The following NCK2 variants were observed in gnomAD, a reference collection of about 807,000 sequenced individuals.
NCK2 encodes the protein NCK adaptor protein 2, also known as cytoplasmic protein NCK2.
Under a neutral mutation model 33.9 loss-of-function variants are expected in NCK2, and 16 were observed. That is an observed-to-expected ratio of 0.47 (90% CI 0.32 to 0.72). NCK2 has a LOEUF of 0.72. Ranked by LOEUF, NCK2 falls within the 30% of genes least tolerant of loss-of-function variation. NCK2 has a pLI of 0.03. For missense variants in NCK2, 418 were observed against 537.3 expected (o/e 0.78, Z 2.19); for synonymous variants, 273 against 239.9 (o/e 1.14, Z -1.27).
chr2:105,851,129 C>G (rs1476432070), intron 2 of NCK2, among the ~76,000 whole-genome samples: 2 of 152,192 alleles, frequency 1.3e-5, no homozygotes, highest in Non-Finnish European at 1.5e-5. Flanking sequence ...AGCAGCCCAG[C>G]CCGGCTGTGT....
At chr2:105,873,081 T>C (rs2553069) in intron 3 of NCK2, among the ~76,000 whole-genome samples, 142,222 of 152,332 alleles carry the variant, frequency 0.93, 66,482 homozygotes, top group East Asian at 0.98. Context: ...TTCCATGATC[T>C]TTGGCCAGCA....
At chr2:105,798,003 A>G (rs192835263) in intron 1 of NCK2, among the ~76,000 whole-genome samples, 1 of 152,184 alleles carries the variant, frequency 6.6e-6, no homozygotes, top group Non-Finnish European at 1.5e-5. Flanking sequence ...TTCATTTCCT[A>G]GGAGAAGAAA....
chr2:105,886,016 GC>G (rs1338038118), intron 4 of NCK2, among the ~76,000 whole-genome samples: 1 of 152,184 alleles, frequency 6.6e-6, no homozygotes, highest in Non-Finnish European at 1.5e-5. Context: ...CAATGTGAAA[GC>G]TGCTTCCAGG....
At chr2:105,844,800 A>G (rs1350473343) in intron 2 of NCK2, among the ~76,000 whole-genome samples, 2 of 148,134 alleles carry the variant, frequency 1.4e-5, no homozygotes, top group African/African-American at 4.9e-5. Context: ...ATAAAAGAAT[A>G]TATAAATATA....
intron 1 of NCK2, among the ~76,000 whole-genome samples, chr2:105,803,123 A>C (rs1674903275): frequency 6.6e-6 from 1 of 152,198 alleles, no homozygotes; most frequent in Non-Finnish European, 1.5e-5. Flanking sequence ...CAGTCTTGGG[A>C]AAGCAAGGTT....
chr2:105,844,229 C>T (rs1007141952), intron 2 of NCK2, among the ~76,000 whole-genome samples: 9 of 152,056 alleles, frequency 5.9e-5, no homozygotes, highest in Non-Finnish European at 1.0e-4. Flanking sequence ...AGTCAAGAGG[C>T]GCCTAAGCAG....
intron 1 of NCK2, among the ~76,000 whole-genome samples, chr2:105,810,564 A>C (rs2104468910): frequency 6.6e-6 from 1 of 152,338 alleles, no homozygotes; most frequent in East Asian, 1.9e-4. Flanking sequence ...GTGCATGCTT[A>C]ATAAAATGCT....
At chr2:105,782,683 G>T (rs1032602169) in intron 1 of NCK2, among the ~76,000 whole-genome samples, 1 of 112,958 alleles carries the variant, frequency 8.9e-6, no homozygotes, top group Admixed American at 9.1e-5. Flanking sequence ...GTTTCTGAGA[G>T]TGGGGGATCC....
At chr2:105,807,768 C>CTCCCTCCCTCCCTCCCTTCCCTCTA (rs1558846653) in intron 1 of NCK2, among the ~76,000 whole-genome samples, 1 of 50,212 alleles carries the variant, frequency 2.0e-5, no homozygotes, top group Non-Finnish European at 4.2e-5. Context: ...CCTCCCTTCT[C>CTCCCTCCCTCCCTCCCTTCCCTCTA]TCCCTCCCTC....
chr2:105,762,189 G>A lies in NCK2; in HGVS notation c.-201+17051G>A, dbSNP rs562744538. The stretch of plus-strand genomic sequence containing the variant: ...CTTGTGAGAAGCACAGTTTCTGTGC[G>A]TAAGAGTGGGCTTAAACCAGGTGAT... On this transcript the variant is annotated intron_variant, in intron 1 of 4. Coordinates refer to ENST00000233154, the MANE Select transcript of NCK2 (RefSeq NM_003581.5). Among the ~76,000 whole-genome samples, 10 of 152,288 alleles carry A rather than the reference G, an allele frequency of 6.6e-5. No individual in the cohort carries two copies. The South Asian group carries it at 1.5e-3, about 22-fold the overall frequency.
At chr2:105,840,840 C>T (rs1676613677) in intron 2 of NCK2, among the ~76,000 whole-genome samples, 1 of 152,220 alleles carries the variant, frequency 6.6e-6, no homozygotes, top group South Asian at 2.1e-4. Context: ...CTTGCATCCC[C>T]CTTTTCCTAA....
intron 3 of NCK2, among the ~76,000 whole-genome samples, chr2:105,867,643 G>A (rs1319950813): frequency 6.6e-6 from 1 of 152,222 alleles, no homozygotes; most frequent in Non-Finnish European, 1.5e-5. Context: ...CAGGTGTGGA[G>A]TTCACAGTGG....
intron 1 of NCK2, among the ~76,000 whole-genome samples, chr2:105,777,706 C>CAGCCTATCAAGTGTCCTG: frequency 6.6e-6 from 1 of 152,166 alleles, no homozygotes; most frequent in Non-Finnish European, 1.5e-5. Flanking sequence ...TGTAGAGCCA[C>CAGCCTATCAAGTGTCCTG]TGTGGACACT....
chr2:105,786,922 G>A (rs549714786), intron 1 of NCK2, among the ~76,000 whole-genome samples: 7 of 152,342 alleles, frequency 4.6e-5, no homozygotes, highest in African/African-American at 1.4e-4. Flanking sequence ...GGTGATAACA[G>A]CACCGTCCAG....
intron 3 of NCK2, among the ~76,000 whole-genome samples, chr2:105,874,621 AAT>A (rs1238174228): frequency 3.9e-5 from 6 of 152,246 alleles, no homozygotes; most frequent in African/African-American, 7.2e-5. Flanking sequence ...AATTGGCTTG[AAT>A]ATGTTTCCAA....
intron 2 of NCK2, among the ~76,000 whole-genome samples, chr2:105,850,793 T>C (rs1278473527): frequency 6.6e-6 from 1 of 152,208 alleles, no homozygotes; most frequent in Non-Finnish European, 1.5e-5. Flanking sequence ...CTTTCTTCTG[T>C]TGAGGCTTTT....
intron 1 of NCK2, among the ~76,000 whole-genome samples, chr2:105,790,015 T>C (rs1050504458): frequency 1.3e-5 from 2 of 152,192 alleles, no homozygotes; most frequent in African/African-American, 4.8e-5. Context: ...ATGTATTGAG[T>C]GCAAGGGAGC....
chr2:105,746,564 G>T (rs930512076), intron 1 of NCK2, among the ~76,000 whole-genome samples: 3 of 152,172 alleles, frequency 2.0e-5, no homozygotes, highest in Non-Finnish European at 4.4e-5. Context: ...TCATAGATAA[G>T]CAGGTGAATT....
intron 4 of NCK2, among the ~76,000 whole-genome samples, chr2:105,890,664 C>A (rs148743040): frequency 2.6e-5 from 4 of 152,206 alleles, no homozygotes; most frequent in East Asian, 1.9e-4. Context: ...ACTATACTTA[C>A]AATTGTTCCT....
Sources: allele counts gnomAD v4.1 joint callset (sites outside exome capture counted in the v4.1 genomes callset), GRCh38; gene constraint gnomAD v4.1.1; transcripts MANE v1.5; gene names NCBI Gene and HGNC (gene_info 2026-07-23, HGNC 2026-07-21).